ACSS3: variants seen among roughly 807,000 people sequenced by gnomAD.
ACSS3 encodes acyl-CoA synthetase short chain family member 3, also known as acyl-CoA synthetase short-chain family member 3, mitochondrial.
ACSS3 carries 64 observed loss-of-function variants against 84.2 expected under a neutral mutation model. The ratio of observed to expected loss-of-function variants is 0.76; its 90% CI spans 0.62 to 0.94. ACSS3 has a LOEUF of 0.94. Among genes scored for constraint, ACSS3 ranks in the 40% least tolerant of loss-of-function variants. ACSS3 has a pLI of 0.00. For synonymous variants in ACSS3, 317 were observed against 310.1 expected (o/e 1.02, Z -0.23); for missense variants, 815 against 867.6 (o/e 0.94, Z 0.76).
At chr12:81,098,129 T>TAA (rs1882201268) in intron 1 of ACSS3, among the ~76,000 whole-genome samples, 1 of 135,060 alleles carries the variant, frequency 7.4e-6, no homozygotes, top group Non-Finnish European at 1.6e-5. Flanking sequence ...GGTCCCAGTA[T>TAA]GAGAGAGAGA....
chr12:81,116,084 T>C (rs1884019328), intron 2 of ACSS3, among the ~76,000 whole-genome samples: 1 of 152,026 alleles, frequency 6.6e-6, no homozygotes, highest in Admixed American at 6.6e-5. Flanking sequence ...AAGTATAATG[T>C]ATATATTGTA....
intron 1 of ACSS3, among the ~76,000 whole-genome samples, chr12:81,079,314 T>G (rs1038030965): frequency 6.6e-6 from 1 of 152,044 alleles, no homozygotes; most frequent in Non-Finnish European, 1.5e-5. Context: ...ACTCTTAGAG[T>G]GTGGCTCCTT....
chr12:81,235,678 C>G (rs2033609446), intron 13 of ACSS3, among the ~76,000 whole-genome samples: 1 of 151,380 alleles, frequency 6.6e-6, no homozygotes, highest in African/African-American at 2.4e-5. Flanking sequence ...TACTTTCTAG[C>G]ATACAGATTC....
chr12:81,089,527 G>A (rs929035085), intron 1 of ACSS3, among the ~76,000 whole-genome samples: 15 of 151,864 alleles, frequency 9.9e-5, no homozygotes, highest in Non-Finnish European at 2.9e-5. Flanking sequence ...CCAAACTTTG[G>A]AAAACAAATG....
intron 13 of ACSS3, 44 bp from the exon 14 acceptor site, chr12:81,253,263 T>C (rs747306108): frequency 5.9e-6 from 9 of 1,531,800 alleles, no homozygotes; most frequent in Non-Finnish European, 7.2e-6. Flanking sequence ...TATACATATA[T>C]GGTAAATAAA....
chr12:81,087,141 C>A (rs1881372129), intron 1 of ACSS3, among the ~76,000 whole-genome samples: 1 of 152,076 alleles, frequency 6.6e-6, no homozygotes, highest in Admixed American at 6.6e-5. Context: ...CTTTCAAATA[C>A]TAAATTAGAG....
At chr12:81,133,448 G>T (rs1249300206) in intron 2 of ACSS3, among the ~76,000 whole-genome samples, 1 of 152,092 alleles carries the variant, frequency 6.6e-6, no homozygotes, top group Non-Finnish European at 1.5e-5. Context: ...TTCTTCTCCA[G>T]GCCCCTGGTT....
In ACSS3 at chr12:81,217,204, A is replaced by C. The variant is rs143977206; in HGVS notation, c.1450+208A>C. On this transcript the variant is annotated intron_variant, in intron 10 of 15. Coordinates refer to ENST00000548058, the MANE Select transcript of ACSS3 (RefSeq NM_024560.4). The stretch of plus-strand genomic sequence containing the variant: ...TGTTCTAAATGACTGTCATAACCAC[A>C]AAAATAATATCATTAATAAGGTATG... 3.7e-3 allele frequency among the ~76,000 whole-genome samples: 566 copies of C among 152,296 alleles called. 19 individuals carry two copies. Among genetic ancestry groups the C allele is most frequent in the Admixed American group, 0.033 (510 of 15,282 alleles).
rs376405556 is a variant in ACSS3 at position 81,141,470 on chromosome 12, CT to C, written c.781-1636del. ...TCAAAGGATATTGCATCAATCACCCCTATGCTCTCCCAATACCGCCTTTTAA... is the reference window on the plus strand; with the variant it reads ...TCAAAGGATATTGCATCAATCACCCCATGCTCTCCCAATACCGCCTTTTAA... On this transcript the variant is annotated intron_variant, in intron 4 of 15. Coordinates refer to ENST00000548058, the MANE Select transcript of ACSS3 (RefSeq NM_024560.4). Among the ~76,000 whole-genome samples, 472 of 152,308 alleles carry C rather than the reference CT, an allele frequency of 3.1e-3. 3 individuals are homozygous for C. The highest frequency in any genetic ancestry group is 0.011 in the African/African-American group (446 of 41,564).
intron 9 of ACSS3, among the ~76,000 whole-genome samples, chr12:81,213,814 T>TTCTCTTCTCG: frequency 1.7e-5 from 1 of 58,892 alleles, no homozygotes; most frequent in African/African-American, 5.2e-5. Context: ...TTCTCTTCTC[T>TTCTCTTCTCG]TCTCTTCTCT....
intron 8 of ACSS3, among the ~76,000 whole-genome samples, chr12:81,192,677 T>A (rs1426409646): frequency 6.6e-6 from 1 of 152,222 alleles, no homozygotes; most frequent in Non-Finnish European, 1.5e-5. Flanking sequence ...TAATCTTCGA[T>A]TTTCCTTTCC....
chr12:81,132,000 T>C (rs1885535828), intron 2 of ACSS3, among the ~76,000 whole-genome samples: 1 of 152,180 alleles, frequency 6.6e-6, no homozygotes, highest in Admixed American at 6.5e-5. Context: ...GTGGATTAGC[T>C]TTTTGAAGTG....
chr12:81,113,219 A>G (rs563852228), intron 2 of ACSS3, among the ~76,000 whole-genome samples: 1 of 152,260 alleles, frequency 6.6e-6, no homozygotes, highest in South Asian at 2.1e-4. Context: ...TAGGAACACA[A>G]GTGAAGGCAG....
chr12:81,105,091 G>T (rs1882868379), intron 1 of ACSS3, among the ~76,000 whole-genome samples: 1 of 152,094 alleles, frequency 6.6e-6, no homozygotes, highest in Non-Finnish European at 1.5e-5. Flanking sequence ...TATGCGTTAT[G>T]CAGAATCAGG....
At chr12:81,196,478 CT>C (rs1305988271) in intron 8 of ACSS3, among the ~76,000 whole-genome samples, 1 of 151,720 alleles carries the variant, frequency 6.6e-6, no homozygotes, top group Admixed American at 6.6e-5. Context: ...TGACCTTATT[CT>C]TTTTTTTCTC....
At chr12:81,088,710 A>G (rs1271370759) in intron 1 of ACSS3, among the ~76,000 whole-genome samples, 1 of 152,078 alleles carries the variant, frequency 6.6e-6, no homozygotes, top group Non-Finnish European at 1.5e-5. Context: ...TGAATTTAGC[A>G]TCTGTGCTCC....
intron 8 of ACSS3, among the ~76,000 whole-genome samples, chr12:81,176,919 A>C (rs369016629): frequency 2.0e-5 from 3 of 152,182 alleles, no homozygotes; most frequent in East Asian, 3.9e-4. Flanking sequence ...AATTCTCAAC[A>C]AAATACCAGC....
At chr12:81,246,097 C>T (rs1293620733) in intron 13 of ACSS3, among the ~76,000 whole-genome samples, 1 of 152,156 alleles carries the variant, frequency 6.6e-6, no homozygotes, top group African/African-American at 2.4e-5. Context: ...AGCAGCATGG[C>T]TGCTGCTGCA....
chr12:81,199,801 T>A (rs2032018228), intron 9 of ACSS3: 1 of 640,214 alleles, frequency 1.6e-6, no homozygotes, highest in Admixed American at 2.7e-5. Flanking sequence ...CTCTGGCAGC[T>A]GCATTATCCT....
Sources: gnomAD v4.1 joint callset for allele counts (sites outside exome capture counted in the v4.1 genomes callset) on GRCh38, gnomAD v4.1.1 for gene constraint, MANE v1.5 for transcripts, NCBI Gene and HGNC (gene_info 2026-07-23, HGNC 2026-07-21) for gene names.